Variants in FRMD4A observed in about 807,000 individuals in gnomAD.
FRMD4A encodes the protein FERM domain containing 4A, also known as FERM domain-containing protein 4A.
FRMD4A carries 29 observed loss-of-function variants against 129.1 expected under a neutral mutation model. The observed-to-expected ratio is 0.22, with a 90% confidence interval of 0.17 to 0.31. The LOEUF is 0.31. Ranked by LOEUF, FRMD4A falls within the 10% of genes least tolerant of loss-of-function variation. FRMD4A has a pLI of 1.00. For missense variants in FRMD4A, 1,272 were observed against 1,375.8 expected, an observed-to-expected ratio of 0.92 and a Z score of 1.19; for synonymous variants, 634 against 571.6, an observed-to-expected ratio of 1.11 and a Z score of -1.56.
intron 12 of FRMD4A, among the ~76,000 whole-genome samples, chr10:13,709,279 T>C (rs1190140508): frequency 2.6e-5 from 4 of 152,328 alleles, no homozygotes; most frequent in African/African-American, 9.6e-5. Flanking sequence ...TCTAAGCTGC[T>C]GGACCTGACA....
intron 2 of FRMD4A, among the ~76,000 whole-genome samples, chr10:14,055,307 C>T (rs930729054): frequency 3.9e-5 from 6 of 152,102 alleles, no homozygotes; most frequent in East Asian, 3.9e-4. Context: ...CTGGTCTTTC[C>T]AGACGCAGTC....
At chr10:14,245,193 G>T (rs1269244778) in intron 2 of FRMD4A, among the ~76,000 whole-genome samples, 1 of 152,174 alleles carries the variant, frequency 6.6e-6, no homozygotes, top group Non-Finnish European at 1.5e-5. Flanking sequence ...TTCTTAGGCT[G>T]CTTGGGCTGG....
chr10:14,206,820 A>AAAAAAAAAAGAG (rs1429238276), intron 2 of FRMD4A, among the ~76,000 whole-genome samples: 1 of 127,384 alleles, frequency 7.9e-6, no homozygotes, highest in Non-Finnish European at 1.7e-5. Flanking sequence ...AAAAAAAAAA[A>AAAAAAAAAAGAG]AGAGAGACAG....
chr10:14,260,112 G>C (rs997714872), intron 2 of FRMD4A, among the ~76,000 whole-genome samples: 10 of 152,028 alleles, frequency 6.6e-5, no homozygotes, highest in African/African-American at 2.4e-4. Context: ...ACATTGTGCA[G>C]GAGGGAGAAC....
At chr10:13,856,154 T>C (rs10430781) in intron 3 of FRMD4A, among the ~76,000 whole-genome samples, 71,326 of 150,978 alleles carry the variant, frequency 0.47, 16,840 homozygotes, top group East Asian at 0.64. Flanking sequence ...AGTGTGTAGA[T>C]AGATTGTGTG....
intron 2 of FRMD4A, among the ~76,000 whole-genome samples, chr10:13,996,844 G>A (rs1443596194): frequency 4.6e-5 from 7 of 152,050 alleles, no homozygotes; most frequent in African/African-American, 1.2e-4. Context: ...CCCCAAATTC[G>A]GAGTTCAAAT....
intron 2 of FRMD4A, among the ~76,000 whole-genome samples, chr10:14,288,442 G>T (rs954615607): frequency 6.6e-6 from 1 of 152,088 alleles, no homozygotes. Context: ...GACTTACCAC[G>T]GTCTAAAGAA....
intron 2 of FRMD4A, among the ~76,000 whole-genome samples, chr10:14,320,009 A>G (rs1040674217): frequency 6.6e-6 from 1 of 151,566 alleles, no homozygotes; most frequent in African/African-American, 2.4e-5. Context: ...CTCCCATCCA[A>G]TCCTGATGGC....
intron 2 of FRMD4A, among the ~76,000 whole-genome samples, chr10:14,251,072 CTG>C (rs143365239): frequency 0.064 from 9,735 of 152,232 alleles, 391 homozygotes; most frequent in Non-Finnish European, 0.089. Context: ...AGTACCTAAA[CTG>C]TGTAGTAGGC....
chr10:14,224,815 C>T (rs1843382242), intron 2 of FRMD4A, among the ~76,000 whole-genome samples: 1 of 152,294 alleles, frequency 6.6e-6, no homozygotes, highest in South Asian at 2.1e-4. Flanking sequence ...TATGGGGAGA[C>T]AGGCCTCAAG....
intron 2 of FRMD4A, among the ~76,000 whole-genome samples, chr10:14,035,009 G>T (rs916282139): frequency 6.6e-6 from 1 of 152,150 alleles, no homozygotes; most frequent in African/African-American, 2.4e-5. Flanking sequence ...ACTAGATGAG[G>T]GTTTCCAGAC....
chr10:13,707,659 G>A, intron 12 of FRMD4A: 1 of 986,424 alleles, frequency 1.0e-6, no homozygotes, highest in Non-Finnish European at 1.2e-6. Flanking sequence ...ATGTGTAAGA[G>A]CCTTGCAAAG....
intron 4 of FRMD4A, among the ~76,000 whole-genome samples, chr10:13,808,595 C>T (rs75254213): frequency 0.017 from 2,571 of 152,314 alleles, 56 homozygotes; most frequent in African/African-American, 0.055. Flanking sequence ...GGCATTGTAC[C>T]GCCAGGACTG....
rs2082249515 is a variant in FRMD4A, at chr10:13,657,305, C to A, written c.2284G>T (p.Ala762Ser). 2 of 1,610,802 alleles carry A rather than the reference C, an allele frequency of 1.2e-6. No individual in the cohort carries two copies. The highest frequency in any genetic ancestry group is 1.1e-5 in the South Asian group (1 of 90,904). Residue 762 changes from alanine to serine, a missense_variant, in exon 22 of 25, where the codon GCG becomes TCG. By Grantham distance (99) the Ala-to-Ser change is moderately conservative (BLOSUM62 1). Transcript: ENST00000357447. ...SHSSSEHYYPAQMNANYSTLA... is the reference protein window; with the variant it reads ...SHSSSEHYYPSQMNANYSTLA... ...GTGGAGTAGTTGGCGTTCATCTGCG[C>A]CGGGTAGTAGTGCTCCGAGCTCGAG...
chr10:14,045,395 C>A (rs1465486694), intron 2 of FRMD4A, among the ~76,000 whole-genome samples: 1 of 152,128 alleles, frequency 6.6e-6, no homozygotes, highest in Non-Finnish European at 1.5e-5. Context: ...TCCCTAGGTT[C>A]AGCAAGGTGT....
At chr10:13,723,514 A>G (rs1447783520) in intron 12 of FRMD4A, among the ~76,000 whole-genome samples, 2 of 152,206 alleles carry the variant, frequency 1.3e-5, no homozygotes, top group Non-Finnish European at 2.9e-5. Context: ...AGAGTTCTGA[A>G]GATCTGTTGC....
At chr10:14,308,772 A>G (rs184553038) in intron 2 of FRMD4A, among the ~76,000 whole-genome samples, 291 of 151,926 alleles carry the variant, frequency 1.9e-3, no homozygotes, top group African/African-American at 6.7e-3. Flanking sequence ...AGGCAATACA[A>G]ACCAGTCCCC....
chr10:13,813,153 G>C (rs1047405688), intron 3 of FRMD4A, among the ~76,000 whole-genome samples: 2 of 152,174 alleles, frequency 1.3e-5, no homozygotes, highest in African/African-American at 4.8e-5. Flanking sequence ...TTTTTAAATT[G>C]CAAGGTAGTG....
chr10:14,133,781 C>G (rs939871059), intron 2 of FRMD4A, among the ~76,000 whole-genome samples: 1 of 152,204 alleles, frequency 6.6e-6, no homozygotes, highest in South Asian at 2.1e-4. Flanking sequence ...AGAACCATAT[C>G]TTATGAGTCT....
Sources: gnomAD v4.1 joint callset for allele counts (sites outside exome capture counted in the v4.1 genomes callset) on GRCh38, gnomAD v4.1.1 for gene constraint, MANE v1.5 for transcripts, NCBI Gene and HGNC (gene_info 2026-07-23, HGNC 2026-07-21) for gene names.